INPP5D: variants seen among roughly 807,000 people sequenced by gnomAD.
The protein encoded by INPP5D is inositol polyphosphate-5-phosphatase D.
Under a neutral mutation model 122.9 loss-of-function variants are expected in INPP5D, and 33 were observed. The observed-to-expected ratio is 0.27, with a 90% confidence interval of 0.20 to 0.36. INPP5D has a LOEUF of 0.36. Among genes scored for constraint, INPP5D ranks in the 10% least tolerant of loss-of-function variants. INPP5D has a pLI of 1.00. For synonymous variants in INPP5D, 584 were observed against 576.2 expected (o/e 1.01, Z -0.19); for missense variants, 1,053 against 1,412.7 (o/e 0.75, Z 4.08).
intron 2 of INPP5D, among the ~76,000 whole-genome samples, chr2:233,111,668 C>T (rs138059600): frequency 4.6e-5 from 7 of 152,322 alleles, no homozygotes; most frequent in African/African-American, 9.6e-5. Flanking sequence ...GGTACAATGG[C>T]GCTCTGCTGT....
At position 233,170,131 on chromosome 2, in the gene INPP5D, G is replaced by C; in HGVS notation, c.1758G>C (p.Gly586=). 2 of 1,614,012 alleles carry C rather than the reference G, an allele frequency of 1.2e-6. No homozygotes were observed. The highest frequency in any genetic ancestry group is 1.7e-6 in the Non-Finnish European group (2 of 1,179,896). The change falls in exon 15 of 27, where the codon GGG becomes GGC. Residue 586 remains glycine, a synonymous_variant. Coordinates refer to ENST00000445964, the MANE Select transcript of INPP5D (RefSeq NM_001017915.3). This position sits in a 1 kb window ranked among gnomAD's most constrained non-coding sequence, Gnocchi z 4.5. ...THRFTHLFWF[G]DLNYRVDLPT... is the part of the protein sequence containing the mutation. ...GCTTCACGCACCTCTTCTGGTTTGG[G>C]GATCTTAACTACCGTGTGGATCTGC...
rs1319051015 is a variant in INPP5D, at chr2:233,204,441, C to T, written c.3291C>T (p.Ala1097=). 4.4e-6 allele frequency: 7 copies of T among 1,601,484 alleles called. No individual in the cohort carries two copies. The highest frequency in any genetic ancestry group is 5.1e-6 in the Non-Finnish European group (6 of 1,175,050). Residue 1097 remains alanine, a synonymous_variant, in exon 26 of 27, where the codon GCC becomes GCT. Transcript: ENST00000445964. ...TCSSSAEGRA[A]GGDKSQGKPK... ...CATCCTCTGCCGAGGGCAGGGCGGC[C>T]GGCGGGGACAAGAGCCAAGGGAAGC...
chr2:233,166,664 C>T (rs1159416214), intron 13 of INPP5D, among the ~76,000 whole-genome samples: 3 of 152,202 alleles, frequency 2.0e-5, no homozygotes, highest in Non-Finnish European at 4.4e-5. Context: ...TGAAATGGCT[C>T]CCAGCCATAA....
chr2:233,080,851 G>C (rs983319284), intron 2 of INPP5D, among the ~76,000 whole-genome samples: 1 of 152,182 alleles, frequency 6.6e-6, no homozygotes, highest in African/African-American at 2.4e-5. Flanking sequence ...GGAAGGAATT[G>C]CTTCGAGGAG....
Position 233,207,043 on chromosome 2 carries a change from A to G in INPP5D, c.*335A>G, listed in dbSNP as rs1695527285. The G allele has an allele frequency of 4.0e-6, 1 of 252,526 alleles. No individual in the cohort carries two copies. Among genetic ancestry groups the G allele is most frequent in the Non-Finnish European group, 7.7e-6 (1 of 129,292 alleles). 15.6% of individuals were successfully genotyped at this position (252,526 alleles called of 1,614,324 possible). A position where few individuals can be genotyped will look rare whatever the true frequency, so the allele number is the denominator to read the frequency against. Reference sequence around the variant, plus strand: ...CGCCGATTTGAGGGTGGAGATATAGATAATAATAATATTAATAATAATAAT... The same window carrying G: ...CGCCGATTTGAGGGTGGAGATATAGGTAATAATAATATTAATAATAATAAT... On this transcript the variant is annotated 3_prime_UTR_variant, in exon 27 of 27. Transcript: ENST00000445964. The surrounding 1 kb of genome is among the most constrained non-coding windows in gnomAD (Gnocchi z 4.6).
chr2:233,070,852 T>C (rs1301419578), intron 1 of INPP5D, among the ~76,000 whole-genome samples: 2 of 152,272 alleles, frequency 1.3e-5, no homozygotes, highest in African/African-American at 2.4e-5. Context: ...AAAATATGTA[T>C]CATGTTTTTA....
At chr2:233,116,915 G>A (rs1692816608) in intron 2 of INPP5D, among the ~76,000 whole-genome samples, 1 of 152,308 alleles carries the variant, frequency 6.6e-6, no homozygotes, top group South Asian at 2.1e-4. Context: ...AATTTAACAA[G>A]TCTACTTAAA....
chr2:233,067,450 G>A (rs999346079), intron 1 of INPP5D, among the ~76,000 whole-genome samples: 3 of 152,228 alleles, frequency 2.0e-5, no homozygotes, highest in Non-Finnish European at 2.9e-5. Context: ...TCAGTTGACA[G>A]GCATTTGGGT....
intron 4 of INPP5D, among the ~76,000 whole-genome samples, chr2:233,127,455 A>T (rs1224888356): frequency 6.6e-6 from 1 of 152,200 alleles, no homozygotes; most frequent in Non-Finnish European, 1.5e-5. Context: ...CTGCCTTTTG[A>T]TTATTTTTCT....
chr2:233,111,826 C>G (rs1692637587), intron 2 of INPP5D, among the ~76,000 whole-genome samples: 1 of 152,028 alleles, frequency 6.6e-6, no homozygotes, highest in African/African-American at 2.4e-5. Context: ...TTTGGGAGAC[C>G]GAGACGGGCA....
chr2:233,207,020 C>A lies in INPP5D; in HGVS notation c.*312C>A. ...CATTCTGAAGAAAGGAACTGCAGCG[C>A]CGATTTGAGGGTGGAGATATAGATA... On this transcript the variant is annotated 3_prime_UTR_variant, in exon 27 of 27. Transcript: ENST00000445964. The surrounding 1 kb of genome is among the most constrained non-coding windows in gnomAD (Gnocchi z 4.6). 5.9e-6 allele frequency: 2 copies of A among 339,562 alleles called. No individual in the cohort carries two copies. The highest frequency in any genetic ancestry group is 5.4e-6 in the Non-Finnish European group (1 of 183,638). The allele number at this position is 339,562 out of a possible 1,614,324, so 21.0% of individuals were successfully genotyped here. A position where few individuals can be genotyped will look rare whatever the true frequency, so the allele number is the denominator to read the frequency against.
intron 2 of INPP5D, among the ~76,000 whole-genome samples, chr2:233,116,628 A>C (rs1438904873): frequency 9.4e-5 from 10 of 106,316 alleles, no homozygotes; most frequent in African/African-American, 3.7e-4. Context: ...ACAGAGTCTC[A>C]CTCTGTCGCC....
chr2:233,107,641 A>C (rs1287436788), intron 2 of INPP5D, among the ~76,000 whole-genome samples: 1 of 152,122 alleles, frequency 6.6e-6, no homozygotes, highest in Admixed American at 6.5e-5. Context: ...GGTTGGAATG[A>C]AGTAGTTGGG....
intron 2 of INPP5D, among the ~76,000 whole-genome samples, chr2:233,112,045 C>T (rs1329070576): frequency 7.2e-6 from 1 of 139,830 alleles, no homozygotes; most frequent in Non-Finnish European, 1.5e-5. Context: ...GCCTGGACAA[C>T]AGAGTGAGAC....
At chr2:233,066,208 C>A (rs1031036769) in intron 1 of INPP5D, among the ~76,000 whole-genome samples, 1 of 152,116 alleles carries the variant, frequency 6.6e-6, no homozygotes, top group Non-Finnish European at 1.5e-5. Context: ...CCCACCTTGG[C>A]CTCCCGAAGT....
Position 233,170,713 on chromosome 2 carries a change from C to T in INPP5D, c.1900+109C>T, listed in dbSNP as rs1694471999. The stretch of plus-strand genomic sequence containing the variant: ...GATCAGGAGATGGAGACCATCCTGG[C>T]TAACACAGTGAAACCCCGTCTCTAC... On this transcript the variant is annotated intron_variant, in intron 16 of 26. Transcript: ENST00000445964. The surrounding 1 kb of genome is among the most constrained non-coding windows in gnomAD (Gnocchi z 4.5). The T allele has an allele frequency of 6.3e-6, 9 of 1,424,526 alleles. No individual in the cohort carries two copies. The South Asian group carries it at 1.2e-4, about 18-fold the overall frequency. The allele number at this position is 1,424,526 out of a possible 1,614,324, so 88.2% of individuals were successfully genotyped here. A position where few individuals can be genotyped will look rare whatever the true frequency, so the allele number is the denominator to read the frequency against.
rs921760425 is a variant in INPP5D at position 233,082,480 on chromosome 2, C to T, written c.198+3082C>T. 6.6e-6 allele frequency among the ~76,000 whole-genome samples: 1 copy of T among 152,166 alleles called. No individual in the cohort carries two copies. The highest frequency in any genetic ancestry group is 2.4e-5 in the African/African-American group (1 of 41,444). ...AGTGCCACCAGAATACGAGGCTCCCCAAAATAAGAATCTGGCCTGAAATTT... is the reference window on the plus strand; with the variant it reads ...AGTGCCACCAGAATACGAGGCTCCCTAAAATAAGAATCTGGCCTGAAATTT... On this transcript the variant is annotated intron_variant, in intron 2 of 26. Transcript: ENST00000445964. The surrounding 1 kb of genome is among the most constrained non-coding windows in gnomAD (Gnocchi z 4.7).
chr2:233,123,766 C>T (rs920151910), intron 3 of INPP5D, among the ~76,000 whole-genome samples: 3 of 152,198 alleles, frequency 2.0e-5, no homozygotes, highest in African/African-American at 7.2e-5. Context: ...TATATATACA[C>T]CATGGAATAC....
Position 233,206,920 on chromosome 2 carries a change from C to G in INPP5D, c.*212C>G, listed in dbSNP as rs1210526540. 1.8e-6 allele frequency: 1 copy of G among 551,168 alleles called. No individual in the cohort carries two copies. The highest frequency in any genetic ancestry group is 3.3e-6 in the Non-Finnish European group (1 of 305,576). 34.1% of individuals were successfully genotyped at this position (551,168 alleles called of 1,614,324 possible). A position where few individuals can be genotyped will look rare whatever the true frequency, so the allele number is the denominator to read the frequency against. ...GCTGAGGCTGGAAGAAAAACGCACACCAGACGGGCAACAAACAGTCTGGGT... is the reference window on the plus strand; with the variant it reads ...GCTGAGGCTGGAAGAAAAACGCACAGCAGACGGGCAACAAACAGTCTGGGT... On this transcript the variant is annotated 3_prime_UTR_variant, in exon 27 of 27. Transcript: ENST00000445964. The surrounding 1 kb of genome is among the most constrained non-coding windows in gnomAD (Gnocchi z 4.0).
Sources: allele counts gnomAD v4.1 joint callset (sites outside exome capture counted in the v4.1 genomes callset), GRCh38; gene constraint gnomAD v4.1.1; non-coding constraint Gnocchi (gnomAD v3.1); transcripts MANE v1.5; gene names NCBI Gene and HGNC (gene_info 2026-07-23, HGNC 2026-07-21).